The following LRRC53 variants were observed in gnomAD, a reference collection of about 807,000 sequenced individuals.
The protein encoded by LRRC53 is leucine-rich repeat-containing protein 53.
A neutral mutation model predicts 13.6 loss-of-function variants in LRRC53; 25 were observed. The observed-to-expected ratio is 1.83, with a 90% CI of 1.34 to 2.56. The LOEUF is 2.56. LRRC53 is among the 30% of genes most tolerant of loss of function. LRRC53 has a pLI of 0.00. For synonymous variants in LRRC53, 204 were observed against 109.8 expected (o/e 1.86, Z -5.37); for missense variants, 527 against 275.8 (o/e 1.91, Z -6.45).
chr1:74,521,913 C>T, the LRRC53 span, among the ~76,000 whole-genome samples: 1 of 152,102 alleles, frequency 6.6e-6, no homozygotes, highest in Non-Finnish European at 1.5e-5. Flanking sequence ...CATAACTACT[C>T]AAAAGCCCAG....
rs1271763766 is a variant in LRRC53 at position 74,480,914 on chromosome 1, A to C, written c.143T>G (p.Ile48Ser). The C allele has an allele frequency of 5.6e-6, 4 of 717,304 alleles. No homozygotes were observed. Among genetic ancestry groups the C allele is most frequent in the Non-Finnish European group, 5.2e-6 (2 of 385,080 alleles). The allele number at this position is 717,304 out of a possible 1,614,324, so 44.4% of individuals were successfully genotyped here. A position where few individuals can be genotyped will look rare whatever the true frequency, so the allele number is the denominator to read the frequency against. Residue 48 changes from isoleucine to serine, a missense_variant, in exon 3 of 5, where the codon ATT becomes AGT. Ile to Ser is a moderately radical substitution (Grantham distance 142). Transcript: ENST00000294635. ...LIITDGYLSS[I>S]ESTNLSLLFN... Reference sequence around the variant, plus strand: ...CAAGAGAGACAGGTTTGTGCTCTCAATAGAGGAGAGATATCCATCGGTGAT... The same window carrying C: ...CAAGAGAGACAGGTTTGTGCTCTCACTAGAGGAGAGATATCCATCGGTGAT...
chr1:74,506,197 A>G (rs1398102133), intron 1 of LRRC53, among the ~76,000 whole-genome samples: 1 of 152,216 alleles, frequency 6.6e-6, no homozygotes, highest in Non-Finnish European at 1.5e-5. Context: ...GTGACATAGA[A>G]CAGAAATGTG....
upstream of LRRC53, among the ~76,000 whole-genome samples, chr1:74,515,605 C>A (rs928681630): frequency 1.1e-4 from 16 of 152,184 alleles, no homozygotes; most frequent in Admixed American, 7.8e-4. Context: ...TGAGGTCAGA[C>A]ATAACTCAGG....
chr1:74,471,571 T>C lies in LRRC53; in HGVS notation c.2051A>G (p.Glu684Gly). 1 of 400,714 alleles carries C rather than the reference T, an allele frequency of 2.5e-6. No homozygotes were observed. The highest frequency in any genetic ancestry group is 4.4e-6 in the Non-Finnish European group (1 of 226,202). The allele number at this position is 400,714 out of a possible 1,614,324, so 24.8% of individuals were successfully genotyped here. Residue 684 changes from glutamate (E) to glycine (G), a missense_variant, in exon 5 of 5, where the codon GAG becomes GGG. By Grantham distance (98) the Glu-to-Gly change is moderately conservative. Transcript: ENST00000294635. ...LDVKKFSNTGERNKGEKWFTN... is the reference protein window; with the variant it reads ...LDVKKFSNTGGRNKGEKWFTN... ...AAACCATTTTTCTCCTTTGTTTCTC[T>C]CCCCAGTGTTGCTAAATTTTTTAAC...
intron 1 of LRRC53, among the ~76,000 whole-genome samples, chr1:74,491,042 G>A (rs148872114): frequency 1.3e-5 from 2 of 152,082 alleles, no homozygotes; most frequent in African/African-American, 4.8e-5. Flanking sequence ...ATGGCAAAGT[G>A]GTATCCAGTT....
chr1:74,507,443 C>T (rs984070186), intron 1 of LRRC53, among the ~76,000 whole-genome samples: 3 of 152,248 alleles, frequency 2.0e-5, no homozygotes, highest in African/African-American at 4.8e-5. Flanking sequence ...CACACACATG[C>T]GCACGCACTT....
chr1:74,529,183 G>T, the LRRC53 span, among the ~76,000 whole-genome samples: 1 of 152,092 alleles, frequency 6.6e-6, no homozygotes, highest in African/African-American at 2.4e-5. Context: ...ATTACAAAGA[G>T]AAAAAGAGTA....
In LRRC53 at chr1:74,504,638, T is replaced by TA. The variant is rs201485160; in HGVS notation, c.-27+7887dup. On this transcript the variant is annotated intron_variant, in intron 1 of 4. Coordinates refer to ENST00000294635, the MANE Select transcript of LRRC53 (RefSeq NM_001382280.1). Reference sequence around the variant, plus strand: ...CCTACGTGTGTAAAATTGACACCTTTAAAAAAAATTTAAGTACCTGGATTT... The same window carrying TA: ...CCTACGTGTGTAAAATTGACACCTTTAAAAAAAAATTTAAGTACCTGGATTT... Among the ~76,000 whole-genome samples, 1,221 of 152,048 alleles carry TA rather than the reference T, an allele frequency of 8.0e-3. 17 individuals are homozygous for TA. The highest frequency in any genetic ancestry group is 0.029 in the African/African-American group (1,187 of 41,478).
intron 1 of LRRC53, among the ~76,000 whole-genome samples, chr1:74,503,500 A>G (rs550209435): frequency 6.6e-6 from 1 of 152,174 alleles, no homozygotes; most frequent in Non-Finnish European, 1.5e-5. Flanking sequence ...TTACTCAGTG[A>G]CACTGTTGAC....
At chr1:74,514,560 A>G (rs1646321265), upstream of LRRC53, among the ~76,000 whole-genome samples, 1 of 152,122 alleles carries the variant, frequency 6.6e-6, no homozygotes, top group African/African-American at 2.4e-5. Context: ...TAATATCCCC[A>G]ATTATTTGCT....
rs1345524880 is a variant in LRRC53 at position 74,480,850 on chromosome 1, G to A, written c.207C>T (p.Ile69=). Residue 69 remains isoleucine (I), a synonymous_variant, in exon 3 of 5, where the codon ATC becomes ATT. Coordinates refer to ENST00000294635, the MANE Select transcript of LRRC53 (RefSeq NM_001382280.1). ...LALLSLSRNG[I]EDVQEDALHG... is the part of the protein sequence containing the mutation. ...GCAGGGCATCTTCCTGAACATCCTC[G>A]ATACCATTTCTGCTTAGGGAGAGCA... 1 of 717,472 alleles carries A rather than the reference G, an allele frequency of 1.4e-6. No individual in the cohort carries two copies. The highest frequency in any genetic ancestry group is 2.6e-6 in the Non-Finnish European group (1 of 385,086). 44.4% of individuals were successfully genotyped at this position (717,472 alleles called of 1,614,324 possible). A position where few individuals can be genotyped will look rare whatever the true frequency, so the allele number is the denominator to read the frequency against.
chr1:74,526,796 G>C, the LRRC53 span, among the ~76,000 whole-genome samples: 1 of 152,162 alleles, frequency 6.6e-6, no homozygotes, highest in Non-Finnish European at 1.5e-5. Context: ...AGAGCAACAC[G>C]TATAGGACTT....
rs753297096 is a variant in LRRC53 at position 74,472,106 on chromosome 1, G to T, written c.1516C>A (p.Gln506Lys). The change falls in exon 5 of 5, where the codon CAG (glutamine) becomes AAG (lysine). Residue 506 changes from glutamine (Q) to lysine (K), a missense_variant. Transcript: ENST00000294635. ...TTGTCTTCTTTTTCTATTGGAGGCTGCCATGATTCATTTGTTAAACGCTTC... is the reference window on the plus strand; with the variant it reads ...TTGTCTTCTTTTTCTATTGGAGGCTTCCATGATTCATTTGTTAAACGCTTC... ...LEKRLTNESW[Q>K]PPIEKEDNGL... 3 of 717,032 alleles carry T rather than the reference G, an allele frequency of 4.2e-6. No homozygotes were observed. Among genetic ancestry groups the T allele is most frequent in the South Asian group, 3.0e-5 (2 of 67,552 alleles). The allele number at this position is 717,032 out of a possible 1,614,324, so 44.4% of individuals were successfully genotyped here.
intron 3 of LRRC53, among the ~76,000 whole-genome samples, chr1:74,476,060 A>G (rs1394885050): frequency 6.6e-5 from 10 of 152,114 alleles, no homozygotes; most frequent in Non-Finnish European, 7.4e-5. Context: ...TCTTTGGTAG[A>G]AAAAAAGGCT....
At chr1:74,521,987 G>C in the LRRC53 span, among the ~76,000 whole-genome samples, 2 of 152,154 alleles carry the variant, frequency 1.3e-5, no homozygotes, top group Non-Finnish European at 2.9e-5. Flanking sequence ...GATCCAGGTA[G>C]AGTAAAAAAA....
chr1:74,513,546 T>G (rs1318959077), upstream of LRRC53, among the ~76,000 whole-genome samples: 1 of 152,192 alleles, frequency 6.6e-6, no homozygotes, highest in Non-Finnish European at 1.5e-5. Context: ...TTTGTCTTCC[T>G]TTTTTTCTCT....
At chr1:74,529,751 A>G in the LRRC53 span, among the ~76,000 whole-genome samples, 2 of 152,182 alleles carry the variant, frequency 1.3e-5, no homozygotes, top group Admixed American at 1.3e-4. Context: ...TATGTTTAAG[A>G]TAGTTTTTAA....
chr1:74,520,006 A>T, the LRRC53 span, among the ~76,000 whole-genome samples: 2 of 151,944 alleles, frequency 1.3e-5, no homozygotes, highest in Non-Finnish European at 2.9e-5. Flanking sequence ...TATGTATTTA[A>T]TTTTTTATTT....
chr1:74,506,057 A>G (rs1669881439), intron 1 of LRRC53, among the ~76,000 whole-genome samples: 1 of 152,178 alleles, frequency 6.6e-6, no homozygotes. Context: ...TATGCCACTA[A>G]GTGTCACCAG....
Sources: gnomAD v4.1 joint callset for allele counts (sites outside exome capture counted in the v4.1 genomes callset) on GRCh38, gnomAD v4.1.1 for gene constraint, MANE v1.5 for transcripts, NCBI Gene and HGNC (gene_info 2026-07-23, HGNC 2026-07-21) for gene names.